The following CC2D2B variants were observed in gnomAD, a reference collection of about 807,000 sequenced individuals.
The protein encoded by CC2D2B is coiled-coil and C2 domain containing 2B, also known as protein CC2D2B.
CC2D2B carries 128 observed loss-of-function variants against 161.2 expected under a neutral mutation model. The ratio of observed to expected loss-of-function variants is 0.79; its 90% confidence interval spans 0.69 to 0.92. The LOEUF is 0.92. Among genes scored for constraint, CC2D2B ranks in the 40% least tolerant of loss-of-function variants. CC2D2B has a pLI of 0.00. For missense variants in CC2D2B, 1,173 were observed against 1,375.1 expected, an observed-to-expected ratio of 0.85 and a Z score of 2.32; for synonymous variants, 391 against 449.8, an observed-to-expected ratio of 0.87 and a Z score of 1.65.
chr10:95,923,056 A>G (rs1018640464), intron 3 of CC2D2B, among the ~76,000 whole-genome samples: 1 of 151,802 alleles, frequency 6.6e-6, no homozygotes, highest in African/African-American at 2.4e-5. Flanking sequence ...GGGTTCAAGC[A>G]ATTCTCCTGC....
chr10:95,988,522 T>G (rs1268537943), intron 20 of CC2D2B, among the ~76,000 whole-genome samples, 180 bp downstream of exon 20: 3 of 152,222 alleles, frequency 2.0e-5, no homozygotes, highest in Non-Finnish European at 4.4e-5. Context: ...GTTAGGTTAC[T>G]TCATTGACAG....
chr10:95,937,872 C>G (rs979129241), intron 6 of CC2D2B, 119 bp from the exon 7 acceptor site: 2 of 635,530 alleles, frequency 3.1e-6, no homozygotes, highest in Non-Finnish European at 5.6e-6. Flanking sequence ...GGAACTTGTT[C>G]TGTGGGTGGC....
rs2079701337 is a variant in CC2D2B at position 96,025,196 on chromosome 10, T to TAA, written c.3947+286_3947+287insAA. 5.6e-5 allele frequency among the ~76,000 whole-genome samples: 2 copies of TAA among 35,430 alleles called. 1 individual carries two copies. Among genetic ancestry groups the TAA allele is most frequent in the Non-Finnish European group, 1.2e-4 (2 of 16,464 alleles). The allele number at this position is 35,430 out of a possible 152,430, so 23.2% of individuals were successfully genotyped here. A position where few individuals can be genotyped will look rare whatever the true frequency, so the allele number is the denominator to read the frequency against. On this transcript the variant is annotated intron_variant, in intron 33 of 34. Coordinates refer to ENST00000646931, the MANE Select transcript of CC2D2B (RefSeq NM_001349008.3). ...ATATATATATATATAAAAAAAAATA[T>TAA]ATATATATATATATATATATATATA...
At chr10:95,992,776 T>C (rs2078005304) in intron 22 of CC2D2B, 79 bp downstream of exon 22, 11 of 974,706 alleles carry the variant, frequency 1.1e-5, no homozygotes, top group Non-Finnish European at 1.5e-5. Context: ...GTTCTATTTG[T>C]AAACCTTTGC....
intron 11 of CC2D2B, among the ~76,000 whole-genome samples, chr10:95,958,700 T>C (rs1197729123): frequency 6.6e-6 from 1 of 151,882 alleles, no homozygotes; most frequent in East Asian, 1.9e-4. Flanking sequence ...ATCATTGAAT[T>C]TGAGCAACAG....
intron 26 of CC2D2B, among the ~76,000 whole-genome samples, 174 bp from the exon 27 acceptor site, chr10:96,012,011 A>G (rs1564668837): frequency 6.6e-6 from 1 of 152,156 alleles, no homozygotes; most frequent in South Asian, 2.1e-4. Context: ...AAGGGTGCCT[A>G]TGAACACATC....
In CC2D2B at chr10:95,924,787, A is replaced by G; in HGVS notation, c.183A>G (p.Lys61=). The part of the protein sequence containing the change: ...REKLKISKIN[K]GEKSSTEQLI... ...TTTATGTTGTGTTTCAGATTAATAA[A>G]GGTGAAAAATCTTCAACTGAGCAGC... Residue 61 remains lysine, a synonymous_variant, in exon 5 of 35, where the codon AAA becomes AAG. Transcript: ENST00000646931. 1 of 1,535,004 alleles carries G rather than the reference A, an allele frequency of 6.5e-7. No individual in the cohort carries two copies. The highest frequency in any genetic ancestry group is 8.8e-7 in the Non-Finnish European group (1 of 1,132,166).
intron 15 of CC2D2B, among the ~76,000 whole-genome samples, chr10:95,971,397 A>AT (rs2077125889): frequency 6.6e-6 from 1 of 151,824 alleles, no homozygotes. Flanking sequence ...TCAAAAAAAA[A>AT]AAAAAAAGAA....
At chr10:95,963,044 TTG>T (rs1213398486) in intron 12 of CC2D2B, among the ~76,000 whole-genome samples, 2 of 152,016 alleles carry the variant, frequency 1.3e-5, no homozygotes, top group African/African-American at 4.8e-5. Context: ...CTGAGGCCCT[TTG>T]TGTTTGTTCT....
Position 96,024,920 on chromosome 10 carries a change from T to C in CC2D2B, c.3947+9T>C. 1.3e-6 allele frequency: 2 copies of C among 1,501,588 alleles called. No individual in the cohort carries two copies. Among genetic ancestry groups the C allele is most frequent in the Non-Finnish European group, 1.8e-6 (2 of 1,103,800 alleles). The allele number at this position is 1,501,588 out of a possible 1,614,324, so 93.0% of individuals were successfully genotyped here. On this transcript the variant is annotated intron_variant, in intron 33 of 34. Transcript: ENST00000646931. ...GAAGATCTAAGGAATAGGTACTGTG[T>C]TTTCCCCTAATCTCTTGTTGGGTTA...
Position 96,009,900 on chromosome 10 carries a change from T to G in CC2D2B, c.3022T>G (p.Ser1008Ala), listed in dbSNP as rs758314888. The change falls in exon 26 of 35, where the codon TCT becomes GCT. Residue 1008 changes from serine (S) to alanine (A), a missense_variant. Transcript: ENST00000646931. ...GCTTGGATGCATTGTCTTCCCTTTT[T>G]CTGCTCTTCTGCAACAATCTGAGGT... is the stretch of plus-strand genomic sequence containing the variant. ...NWLGCIVFPF[S>A]ALLQQSEISG... 6.2e-7 allele frequency: 1 copy of G among 1,607,486 alleles called. No homozygotes were observed. Among genetic ancestry groups the G allele is most frequent in the Non-Finnish European group, 8.5e-7 (1 of 1,174,906 alleles).
intron 1 of CC2D2B, among the ~76,000 whole-genome samples, chr10:95,910,102 G>A (rs905712758): frequency 2.6e-5 from 4 of 151,522 alleles, no homozygotes; most frequent in Non-Finnish European, 5.9e-5. Context: ...GCTGTAATGA[G>A]CTGTCATCAT....
Position 95,959,746 on chromosome 10 carries a change from T to A in CC2D2B, c.1110-2083T>A, listed in dbSNP as rs1020872761. ...AGAAATTAATTAGTGTAACTTAACA[T>A]ACTAATACAATGTGTTGATTAGTGT... On this transcript the variant is annotated intron_variant, in intron 11 of 34. Transcript: ENST00000646931. Among the ~76,000 whole-genome samples the A allele has an allele frequency of 4.7e-5, 7 of 150,378 alleles. No homozygotes were observed. In the South Asian group the frequency reaches 1.4e-3, roughly 31 times the overall value.
rs538627608 is a variant in CC2D2B at position 96,008,339 on chromosome 10, G to T, written c.2947-1486G>T. Among the ~76,000 whole-genome samples, 11 of 151,960 alleles carry T rather than the reference G, an allele frequency of 7.2e-5. No homozygotes were observed. In the South Asian group the frequency reaches 2.3e-3, roughly 32 times the overall value. On this transcript the variant is annotated intron_variant, in intron 25 of 34. Coordinates refer to ENST00000646931, the MANE Select transcript of CC2D2B (RefSeq NM_001349008.3). ...ATATTCACCTGTTGATGGACATTTA[G>T]GTTGTTTTCATTTTTTGACTATTAT...
rs68085058 is a variant in CC2D2B, at chr10:96,003,586, T to TTGTGTGTGTGTGTGTG, written c.2850-538_2850-523dup. Among the ~76,000 whole-genome samples, 146 of 127,736 alleles carry TTGTGTGTGTGTGTGTG rather than the reference T, an allele frequency of 1.1e-3. 3 individuals are homozygous for TTGTGTGTGTGTGTGTG. Among genetic ancestry groups the TTGTGTGTGTGTGTGTG allele is most frequent in the South Asian group, 1.9e-3 (7 of 3,688 alleles). The allele number at this position is 127,736 out of a possible 152,430, so 83.8% of individuals were successfully genotyped here. Reference sequence around the variant, plus strand: ...ACCGCCTGCCACCAGGCCCGGCTAATTGTGTGTGTGTGTGTGTGTGTGTGT... The same window carrying TTGTGTGTGTGTGTGTG: ...ACCGCCTGCCACCAGGCCCGGCTAATTGTGTGTGTGTGTGTGTGTGTGTGTGTGTGTGTGTGTGTGT... On this transcript the variant is annotated intron_variant, in intron 24 of 34. Transcript: ENST00000646931.
At chr10:95,909,025 A>G (rs2141079918) in intron 1 of CC2D2B, among the ~76,000 whole-genome samples, 1 of 151,918 alleles carries the variant, frequency 6.6e-6, no homozygotes, top group East Asian at 1.9e-4. Flanking sequence ...GCAGGACATG[A>G]TGACTTGGGA....
In CC2D2B at chr10:95,996,212, T is replaced by A; in HGVS notation, c.2809T>A (p.Ser937Thr). Residue 937 changes from serine (S) to threonine (T), a missense_variant, in exon 24 of 35, where the codon TCT becomes ACT. Ser to Thr is a moderately conservative substitution (Grantham distance 58, BLOSUM62 1). Around this residue, in one of 3 missense-constraint regions of CC2D2B, gnomAD observed 598 missense variants for 693.2 expected, o/e 0.86. Coordinates refer to ENST00000646931, the MANE Select transcript of CC2D2B (RefSeq NM_001349008.3). The stretch of plus-strand genomic sequence containing the variant: ...ATACAAAACCAATACAGCAAGTGGA[T>A]CTCATCCATGCTGGAATGAAGAAAT... Reference protein sequence around the residue: ...TVYKTNTASGSHPCWNEEIKV... With the variant: ...TVYKTNTASGTHPCWNEEIKV... The A allele has an allele frequency of 6.6e-7, 1 of 1,516,660 alleles. No homozygotes were observed. The highest frequency in any genetic ancestry group is 8.8e-7 in the Non-Finnish European group (1 of 1,133,594). 94.0% of individuals were successfully genotyped at this position (1,516,660 alleles called of 1,614,324 possible). A position where few individuals can be genotyped will look rare whatever the true frequency, so the allele number is the denominator to read the frequency against.
At chr10:95,957,044 G>T (rs890115736) in intron 11 of CC2D2B, among the ~76,000 whole-genome samples, 16 of 152,090 alleles carry the variant, frequency 1.1e-4, no homozygotes, top group African/African-American at 3.9e-4. Context: ...GTAAATTGGG[G>T]TTAATTTTGG....
intron 11 of CC2D2B, among the ~76,000 whole-genome samples, chr10:95,959,213 G>T (rs2076680901): frequency 6.6e-6 from 1 of 152,138 alleles, no homozygotes; most frequent in South Asian, 2.1e-4. Context: ...GAAAACTCCA[G>T]GCTCAGATGA....
Sources: gnomAD v4.1 joint callset for allele counts (sites outside exome capture counted in the v4.1 genomes callset) on GRCh38, gnomAD v4.1.1 for gene constraint, gnomAD v4.1.1 regional missense constraint, MANE v1.5 for transcripts, NCBI Gene and HGNC (gene_info 2026-07-23, HGNC 2026-07-21) for gene names.